The following GRIK2 variants were observed in gnomAD, a reference collection of about 807,000 sequenced individuals.
GRIK2 encodes the protein glutamate ionotropic receptor kainate type subunit 2.
Under a neutral mutation model 100.3 loss-of-function variants are expected in GRIK2, and 32 were observed. That is an observed-to-expected ratio of 0.32 (90% CI 0.24 to 0.43). The LOEUF (loss-of-function observed/expected upper bound fraction) is 0.43, where lower values mean the gene tolerates loss of function less well. Ranked by LOEUF, GRIK2 falls within the 20% of genes least tolerant of loss-of-function variation. The probability of loss-of-function intolerance (pLI) is 1.00; values close to 1 mark genes in which losing one functional copy is unlikely to be tolerated. For missense variants in GRIK2, 843 were observed against 1,114.9 expected, an observed-to-expected ratio of 0.76 and a Z score of 3.47; for synonymous variants, 417 against 389.4, an observed-to-expected ratio of 1.07 and a Z score of -0.83.
chr6:101,475,183 C>T (rs1291777755), intron 2 of GRIK2, among the ~76,000 whole-genome samples: 1 of 151,868 alleles, frequency 6.6e-6, no homozygotes, highest in Non-Finnish European at 1.5e-5. Flanking sequence ...GTGTTAGAAA[C>T]TGACACACGT....
chr6:101,983,808 A>G (rs1793856467), intron 14 of GRIK2, among the ~76,000 whole-genome samples: 1 of 151,666 alleles, frequency 6.6e-6, no homozygotes, highest in Admixed American at 6.6e-5. Flanking sequence ...AATCCCTTAA[A>G]CTAGGTTTGT....
At chr6:101,617,180 G>A (rs1779928593) in intron 2 of GRIK2, among the ~76,000 whole-genome samples, 1 of 151,630 alleles carries the variant, frequency 6.6e-6, no homozygotes, top group Non-Finnish European at 1.5e-5. Context: ...ATTAAAGAAT[G>A]ATCTATGTAA....
chr6:101,853,564 G>A (rs1784259270), intron 10 of GRIK2, among the ~76,000 whole-genome samples: 1 of 152,142 alleles, frequency 6.6e-6, no homozygotes, highest in Non-Finnish European at 1.5e-5. Flanking sequence ...CTTACCATAT[G>A]ATCTTGCAGT....
chr6:101,509,103 A>G (rs546953163), intron 2 of GRIK2, among the ~76,000 whole-genome samples: 121 of 147,484 alleles, frequency 8.2e-4, no homozygotes, highest in African/African-American at 2.9e-3. Flanking sequence ...GCTTGCAGTG[A>G]GCCGAGATCA....
intron 16 of GRIK2, among the ~76,000 whole-genome samples, chr6:102,065,441 A>T (rs1056827405): frequency 6.6e-6 from 1 of 151,318 alleles, no homozygotes; most frequent in Non-Finnish European, 1.5e-5. Context: ...TTACCTCTTA[A>T]ATTGCTAGAA....
rs1420532628 is a variant in GRIK2, at chr6:101,399,323, A to G, written c.46A>G (p.Thr16Ala). The G allele has an allele frequency of 6.3e-7, 1 of 1,598,354 alleles. No homozygotes were observed. Among genetic ancestry groups the G allele is most frequent in the Admixed American group, 1.7e-5 (1 of 59,930 alleles). The change falls in exon 2 of 17, where the codon ACC (threonine) becomes GCC (alanine). Residue 16 changes from threonine to alanine, a missense_variant. Physicochemically the swap from Thr to Ala is moderately conservative, Grantham distance 58 (BLOSUM62 0). Around this residue, in one of 3 missense-constraint regions of GRIK2, gnomAD observed 519 missense variants for 643.8 expected, o/e 0.81. Coordinates refer to ENST00000369134, the MANE Select transcript of GRIK2 (RefSeq NM_021956.5). ...TCTAAGTAATCCAGTCTTCAGGCGC[A>G]CCGTTAAACTCCTGCTCTGTTTACT... ...PILSNPVFRR[T>A]VKLLLCLLWI...
intron 14 of GRIK2, among the ~76,000 whole-genome samples, chr6:101,932,528 A>T (rs1485422741): frequency 2.0e-5 from 3 of 151,174 alleles, no homozygotes; most frequent in Admixed American, 6.6e-5. Flanking sequence ...GACCCTTTTC[A>T]TACCAAAATC....
chr6:101,443,478 A>T (rs1770194915), intron 2 of GRIK2, among the ~76,000 whole-genome samples: 3 of 152,174 alleles, frequency 2.0e-5, no homozygotes, highest in Non-Finnish European at 4.4e-5. Flanking sequence ...ATGATTCATC[A>T]GGGCAAACAA....
At chr6:101,658,561 A>G (rs977790483) in intron 4 of GRIK2, among the ~76,000 whole-genome samples, 1 of 149,324 alleles carries the variant, frequency 6.7e-6, no homozygotes, top group Non-Finnish European at 1.5e-5. Flanking sequence ...TCCTTTGGGT[A>G]TATACTCAGT....
At chr6:102,004,772 T>A (rs1795125679) in intron 14 of GRIK2, among the ~76,000 whole-genome samples, 1 of 151,952 alleles carries the variant, frequency 6.6e-6, no homozygotes, top group Admixed American at 6.6e-5. Context: ...GTGCCTACTA[T>A]GAAGGAGAGA....
chr6:102,013,468 A>G (rs748077670), intron 14 of GRIK2, among the ~76,000 whole-genome samples: 2 of 151,934 alleles, frequency 1.3e-5, no homozygotes, highest in Non-Finnish European at 1.5e-5. Context: ...TTTCAATACT[A>G]TTTTGAATAG....
intron 7 of GRIK2, among the ~76,000 whole-genome samples, chr6:101,776,115 TC>T (rs1778730956): frequency 6.6e-6 from 1 of 152,084 alleles, no homozygotes; most frequent in African/African-American, 2.4e-5. Flanking sequence ...GTTTTCTTCT[TC>T]GAAGAATGAG....
intron 2 of GRIK2, among the ~76,000 whole-genome samples, chr6:101,452,729 A>G (rs1770780518): frequency 6.6e-6 from 1 of 151,798 alleles, no homozygotes; most frequent in African/African-American, 2.4e-5. Flanking sequence ...ATTCTATCTC[A>G]ATGTGTTTAT....
chr6:101,701,623 A>G (rs927064154), intron 7 of GRIK2, among the ~76,000 whole-genome samples: 14 of 152,104 alleles, frequency 9.2e-5, no homozygotes, highest in African/African-American at 3.4e-4. Context: ...GCAGGTGCAC[A>G]TGAATTTAAC....
At chr6:101,403,109 C>A (rs954144702) in intron 2 of GRIK2, among the ~76,000 whole-genome samples, 2 of 152,220 alleles carry the variant, frequency 1.3e-5, no homozygotes, top group Non-Finnish European at 2.9e-5. Context: ...GGAGCCCTCA[C>A]ATGTTTAAGC....
At position 101,472,287 on chromosome 6, in the gene GRIK2, G is replaced by A. The variant is rs137997867; in HGVS notation, c.115+72895G>A. Among the ~76,000 whole-genome samples the A allele has an allele frequency of 4.0e-3, 609 of 151,592 alleles. 3 individuals are homozygous for A. The highest frequency in any genetic ancestry group is 0.014 in the African/African-American group (577 of 41,448). The stretch of plus-strand genomic sequence containing the variant: ...TTTTCAAAGATGTCCTTTCCTTTAT[G>A]CCTTATTTTTTGTTTGAATTTGTTT... On this transcript the variant is annotated intron_variant, in intron 2 of 16. Transcript: ENST00000369134.
At chr6:101,793,001 G>A (rs1008000196) in intron 7 of GRIK2, among the ~76,000 whole-genome samples, 5 of 151,812 alleles carry the variant, frequency 3.3e-5, no homozygotes, top group Non-Finnish European at 5.9e-5. Flanking sequence ...TGATCGCATC[G>A]GCTCCTGAGG....
At chr6:101,482,834 T>C (rs1363972365) in intron 2 of GRIK2, among the ~76,000 whole-genome samples, 1 of 152,074 alleles carries the variant, frequency 6.6e-6, no homozygotes, top group Non-Finnish European at 1.5e-5. Flanking sequence ...GAAAAACAGC[T>C]GGTATAACCT....
intron 7 of GRIK2, among the ~76,000 whole-genome samples, chr6:101,762,184 CTT>C (rs1403471147): frequency 6.7e-6 from 1 of 148,528 alleles, no homozygotes; most frequent in Non-Finnish European, 1.5e-5. Context: ...CTCTCTCTCT[CTT>C]CTTTCTCAGA....
Sources: gnomAD v4.1 joint callset for allele counts (sites outside exome capture counted in the v4.1 genomes callset) on GRCh38, gnomAD v4.1.1 for gene constraint, gnomAD v4.1.1 regional missense constraint, MANE v1.5 for transcripts, NCBI Gene and HGNC (gene_info 2026-07-23, HGNC 2026-07-21) for gene names.